ELAPOR2: variants seen among roughly 807,000 people sequenced by gnomAD.
ELAPOR2 encodes endosome/lysosome-associated apoptosis and autophagy regulator family member 2.
Under a neutral mutation model 120.7 loss-of-function variants are expected in ELAPOR2, and 89 were observed. That is an observed-to-expected ratio of 0.74 (90% CI 0.62 to 0.88). ELAPOR2 has a LOEUF of 0.88. ELAPOR2 is among the 40% of genes least tolerant of loss of function. The probability of loss-of-function intolerance (pLI) is 0.00; values close to 1 mark genes in which losing one functional copy is unlikely to be tolerated. For synonymous variants in ELAPOR2, 444 were observed against 444.9 expected, an observed-to-expected ratio of 1.00 and a Z score of 0.03; for missense variants, 1,134 against 1,251.6, an observed-to-expected ratio of 0.91 and a Z score of 1.42.
intron 1 of ELAPOR2, among the ~76,000 whole-genome samples, chr7:86,987,339 G>T (rs983501065): frequency 5.9e-5 from 9 of 152,130 alleles, no homozygotes; most frequent in African/African-American, 2.2e-4. Flanking sequence ...AGCCAAAATA[G>T]ACAAATGAGA....
chr7:86,914,657 A>G (rs1789474581), intron 13 of ELAPOR2, 66 bp downstream of exon 13: 6 of 1,348,894 alleles, frequency 4.4e-6, no homozygotes, highest in Admixed American at 2.5e-5. Context: ...ATCACTTTGT[A>G]TGCATCTCCA....
intron 8 of ELAPOR2, among the ~76,000 whole-genome samples, chr7:86,927,492 G>T (rs762096617): frequency 6.6e-6 from 1 of 151,828 alleles, no homozygotes; most frequent in African/African-American, 2.4e-5. Context: ...TACCCCAGAG[G>T]CTTCTAGGTC....
chr7:86,886,914 A>T (rs1374442485), intron 21 of ELAPOR2, among the ~76,000 whole-genome samples: 1 of 152,138 alleles, frequency 6.6e-6, no homozygotes. Context: ...GCTGCTACAG[A>T]TATTCAATCA....
chr7:86,885,940 G>C (rs530486487), intron 21 of ELAPOR2, among the ~76,000 whole-genome samples: 34 of 152,178 alleles, frequency 2.2e-4, no homozygotes, highest in African/African-American at 7.7e-4. Context: ...GTAGGCAGTA[G>C]GATACCCCAG....
chr7:86,924,709 G>GTGCTCAT (rs1409962682), intron 10 of ELAPOR2, among the ~76,000 whole-genome samples: 7 of 151,216 alleles, frequency 4.6e-5, no homozygotes, highest in Admixed American at 4.0e-4. Flanking sequence ...GTCAATCTCT[G>GTGCTCAT]TGCTCATGTA....
intron 1 of ELAPOR2, among the ~76,000 whole-genome samples, chr7:87,054,404 A>G (rs989770719): frequency 5.9e-5 from 9 of 152,240 alleles, no homozygotes; most frequent in African/African-American, 2.2e-4. Flanking sequence ...TTTGCCTAAA[A>G]CATGAGAAAT....
intron 1 of ELAPOR2, among the ~76,000 whole-genome samples, chr7:87,045,624 G>T (rs1794929355): frequency 6.6e-6 from 1 of 150,896 alleles, no homozygotes; most frequent in African/African-American, 2.4e-5. Context: ...GGGGGGAGGA[G>T]GGAGGGATAG....
intron 2 of ELAPOR2, among the ~76,000 whole-genome samples, chr7:86,960,300 G>C (rs1190968696): frequency 6.6e-6 from 1 of 152,170 alleles, no homozygotes; most frequent in Non-Finnish European, 1.5e-5. Context: ...GCCCAGGCTG[G>C]AGTACAATGG....
chr7:86,985,725 G>A (rs1792704161), intron 1 of ELAPOR2, among the ~76,000 whole-genome samples: 1 of 151,942 alleles, frequency 6.6e-6, no homozygotes. Flanking sequence ...ATGCAGGTTT[G>A]TTACATATGC....
At chr7:86,935,914 C>T (rs1790542256) in intron 8 of ELAPOR2, among the ~76,000 whole-genome samples, 1 of 151,964 alleles carries the variant, frequency 6.6e-6, no homozygotes, top group Admixed American at 6.6e-5. Flanking sequence ...TCCTGAAAAA[C>T]TTCCCCCACA....
chr7:86,968,282 A>G (rs971210390), intron 1 of ELAPOR2, among the ~76,000 whole-genome samples: 1 of 152,212 alleles, frequency 6.6e-6, no homozygotes, highest in African/African-American at 2.4e-5. Context: ...GAAATTTTCA[A>G]AGGATCATTT....
chr7:86,958,774 C>T (rs1791582116), intron 2 of ELAPOR2, among the ~76,000 whole-genome samples: 1 of 152,216 alleles, frequency 6.6e-6, no homozygotes, highest in African/African-American at 2.4e-5. Flanking sequence ...AAGTGTGATG[C>T]TTCCAGCTTT....
At chr7:86,970,340 A>C (rs1792064290) in intron 1 of ELAPOR2, among the ~76,000 whole-genome samples, 1 of 152,184 alleles carries the variant, frequency 6.6e-6, no homozygotes, top group Non-Finnish European at 1.5e-5. Flanking sequence ...AAATGTAATT[A>C]ATTTTCTTCA....
chr7:86,964,425 A>G (rs1039955173), intron 2 of ELAPOR2, among the ~76,000 whole-genome samples: 71 of 152,168 alleles, frequency 4.7e-4, no homozygotes, highest in Non-Finnish European at 2.8e-4. Flanking sequence ...ACTAAAAAAA[A>G]TTAAGTTATT....
intron 19 of ELAPOR2, among the ~76,000 whole-genome samples, chr7:86,895,137 T>A (rs1049533618): frequency 1.3e-5 from 2 of 152,140 alleles, no homozygotes; most frequent in Non-Finnish European, 1.5e-5. Flanking sequence ...ATATACCCAT[T>A]GCAATATTTT....
At chr7:86,971,773 C>G (rs774806184) in intron 1 of ELAPOR2, among the ~76,000 whole-genome samples, 14 of 151,812 alleles carry the variant, frequency 9.2e-5, no homozygotes, top group Non-Finnish European at 2.9e-5. Context: ...CAAGAAAAGC[C>G]GAAAGCTAAG....
chr7:86,977,330 TC>T (rs1234891641), intron 1 of ELAPOR2, among the ~76,000 whole-genome samples: 1 of 152,198 alleles, frequency 6.6e-6, no homozygotes, highest in Non-Finnish European at 1.5e-5. Context: ...CCATTATAGT[TC>T]CCGTCCTGGA....
chr7:87,057,346 CA>C (rs1285329555), intron 1 of ELAPOR2, among the ~76,000 whole-genome samples: 4 of 152,158 alleles, frequency 2.6e-5, no homozygotes, highest in Admixed American at 2.6e-4. Flanking sequence ...GACCAGATAT[CA>C]AACAGATTCA....
At chr7:86,904,274 C>T (rs916115908) in intron 18 of ELAPOR2, among the ~76,000 whole-genome samples, 1 of 152,054 alleles carries the variant, frequency 6.6e-6, no homozygotes, top group African/African-American at 2.4e-5. Context: ...TTAAAAGAAC[C>T]CTTTGGACAC....
Sources: gnomAD v4.1 joint callset for allele counts (sites outside exome capture counted in the v4.1 genomes callset) on GRCh38, gnomAD v4.1.1 for gene constraint, MANE v1.5 for transcripts, NCBI Gene and HGNC (gene_info 2026-07-23, HGNC 2026-07-21) for gene names.